KCNU1: variants seen among roughly 807,000 people sequenced by gnomAD.
The protein encoded by KCNU1 is potassium calcium-activated channel subfamily U member 1, also known as potassium channel subfamily U member 1.
KCNU1 carries 93 observed loss-of-function variants against 126.8 expected under a neutral mutation model. The observed-to-expected ratio is 0.73, with a 90% CI of 0.62 to 0.87. The LOEUF (loss-of-function observed/expected upper bound fraction) is 0.87, where lower values mean the gene tolerates loss of function less well. Ranked by LOEUF, KCNU1 falls within the 40% of genes least tolerant of loss-of-function variation. KCNU1 has a pLI of 0.00. For missense variants in KCNU1, 1,330 were observed against 1,367.1 expected, an observed-to-expected ratio of 0.97 and a Z score of 0.43; for synonymous variants, 523 against 494.2, an observed-to-expected ratio of 1.06 and a Z score of -0.77.
chr8:36,930,136 A>G (rs945804305), intron 24 of KCNU1, among the ~76,000 whole-genome samples: 2 of 152,112 alleles, frequency 1.3e-5, no homozygotes, highest in Non-Finnish European at 2.9e-5. Flanking sequence ...AAAATGAAGG[A>G]TGAAAAATTA....
intron 19 of KCNU1, chr8:36,889,207 TA>T (rs1335634297): frequency 1.9e-6 from 1 of 534,404 alleles, no homozygotes; most frequent in African/African-American, 1.9e-5. Context: ...GGTGAAAACC[TA>T]AATCCACCTG....
chr8:36,829,914 T>C (rs1804467607), intron 10 of KCNU1, among the ~76,000 whole-genome samples: 1 of 151,090 alleles, frequency 6.6e-6, no homozygotes, highest in African/African-American at 2.4e-5. Flanking sequence ...TGTTTGTTCT[T>C]AGTACAGGAA....
chr8:36,870,699 C>T (rs1341450353), intron 19 of KCNU1, among the ~76,000 whole-genome samples: 1 of 152,140 alleles, frequency 6.6e-6, no homozygotes, highest in African/African-American at 2.4e-5. Context: ...GCTTTTAAAA[C>T]TACTTTCCCT....
At chr8:36,933,068 T>A (rs1209581097) in intron 26 of KCNU1, 36 bp downstream of exon 26, 5 of 1,256,834 alleles carry the variant, frequency 4.0e-6, no homozygotes. Context: ...CATCCACCCA[T>A]TCAAGCATAA....
At chr8:36,891,357 T>C (rs1446482631) in intron 19 of KCNU1, among the ~76,000 whole-genome samples, 1 of 152,058 alleles carries the variant, frequency 6.6e-6, no homozygotes, top group Non-Finnish European at 1.5e-5. Context: ...ATCATACAAA[T>C]TACATCTTTA....
chr8:36,910,600 AT>A (rs1337857598), intron 21 of KCNU1, among the ~76,000 whole-genome samples: 3 of 151,846 alleles, frequency 2.0e-5, no homozygotes, highest in African/African-American at 7.3e-5. Flanking sequence ...TTTTCTCTGA[AT>A]TTTTTTCCTC....
At chr8:36,888,955 T>C in intron 19 of KCNU1, 1 of 398,434 alleles carries the variant, frequency 2.5e-6, no homozygotes, top group South Asian at 2.0e-5. Flanking sequence ...CACAGCTCAC[T>C]GCAATTTCTG....
chr8:36,886,030 T>A (rs1043901871), intron 19 of KCNU1, among the ~76,000 whole-genome samples: 15 of 152,022 alleles, frequency 9.9e-5, no homozygotes, highest in Admixed American at 6.6e-5. Flanking sequence ...CATCATACAA[T>A]CATATAATCT....
intron 2 of KCNU1, among the ~76,000 whole-genome samples, chr8:36,798,546 T>A (rs974135783): frequency 1.1e-4 from 16 of 152,164 alleles, no homozygotes; most frequent in African/African-American, 3.6e-4. Flanking sequence ...ATTTTAAAGA[T>A]CTGAATAGGA....
intron 19 of KCNU1, chr8:36,889,166 A>G (rs1318788826): frequency 3.7e-6 from 2 of 534,370 alleles, no homozygotes; most frequent in Non-Finnish European, 7.7e-6. Context: ...GGTATGAGCC[A>G]TATGCCCAGC....
chr8:36,862,699 G>A (rs927962999), intron 18 of KCNU1, among the ~76,000 whole-genome samples: 4 of 152,186 alleles, frequency 2.6e-5, no homozygotes, highest in African/African-American at 9.7e-5. Flanking sequence ...GAGTTTCACA[G>A]AAAGCACTCA....
intron 19 of KCNU1, among the ~76,000 whole-genome samples, chr8:36,869,516 T>C (rs1806027414): frequency 6.7e-6 from 1 of 149,070 alleles, no homozygotes; most frequent in African/African-American, 2.6e-5. Context: ...TAAATGCTAT[T>C]TTTTTCTCTC....
intron 19 of KCNU1, among the ~76,000 whole-genome samples, chr8:36,882,647 G>C (rs984841622): frequency 6.6e-6 from 1 of 151,880 alleles, no homozygotes; most frequent in Non-Finnish European, 1.5e-5. Context: ...ACAGTGGCAC[G>C]ATCTTGGCTC....
At chr8:36,932,848 C>G (rs546531950) in intron 25 of KCNU1, 72 bp from the exon 26 acceptor site, 3 of 845,912 alleles carry the variant, frequency 3.5e-6, no homozygotes, top group African/African-American at 1.7e-5. Context: ...AAGCAAACGA[C>G]ACTCCAGTGA....
chr8:36,811,845 T>C (rs1169131515), intron 7 of KCNU1, among the ~76,000 whole-genome samples: 1 of 152,016 alleles, frequency 6.6e-6, no homozygotes, highest in African/African-American at 2.4e-5. Flanking sequence ...GCCAGGTGCA[T>C]CACTGGAGGG....
intron 22 of KCNU1, among the ~76,000 whole-genome samples, chr8:36,914,601 G>GT (rs1178796210): frequency 5.3e-5 from 8 of 152,200 alleles, no homozygotes; most frequent in African/African-American, 1.9e-4. Context: ...GAGGCGGGGG[G>GT]TTTTGGGGGA....
At chr8:36,809,783 T>A (rs1371208539) in intron 7 of KCNU1, among the ~76,000 whole-genome samples, 1 of 151,940 alleles carries the variant, frequency 6.6e-6, no homozygotes, top group South Asian at 2.1e-4. Context: ...TCATTAGGAC[T>A]TTTTTTTCTT....
At chr8:36,880,370 G>A (rs939463866) in intron 19 of KCNU1, among the ~76,000 whole-genome samples, 1 of 152,102 alleles carries the variant, frequency 6.6e-6, no homozygotes, top group African/African-American at 2.4e-5. Context: ...AGTGGTATTT[G>A]TTACCATTTA....
At chr8:36,925,456 A>G (rs898823005) in intron 24 of KCNU1, among the ~76,000 whole-genome samples, 1 of 152,200 alleles carries the variant, frequency 6.6e-6, no homozygotes, top group Admixed American at 6.5e-5. Context: ...CGCCACAGCA[A>G]AATGAACACA....
Sources: gnomAD v4.1 joint callset for allele counts (sites outside exome capture counted in the v4.1 genomes callset) on GRCh38, gnomAD v4.1.1 for gene constraint, MANE v1.5 for transcripts, NCBI Gene and HGNC (gene_info 2026-07-23, HGNC 2026-07-21) for gene names.